NEK5: variants seen among roughly 807,000 people sequenced by gnomAD.
NEK5 encodes the protein NIMA related kinase 5, also known as serine/threonine-protein kinase Nek5.
In NEK5, 88 loss-of-function variants were observed where a neutral mutation model predicts 109.2. The observed-to-expected ratio is 0.81, with a 90% confidence interval of 0.68 to 0.96. The LOEUF (loss-of-function observed/expected upper bound fraction) is 0.96. Ranked by LOEUF, NEK5 falls within the 40% of genes least tolerant of loss-of-function variation. NEK5 has a pLI of 0.00. For synonymous variants in NEK5, 283 were observed against 299.9 expected (o/e 0.94, Z 0.58); for missense variants, 834 against 920.7 (o/e 0.91, Z 1.22).
chr13:52,063,738 G>A (rs1314326587), intron 21 of NEK5, among the ~76,000 whole-genome samples: 2 of 133,766 alleles, frequency 1.5e-5, no homozygotes, highest in African/African-American at 2.7e-5. Flanking sequence ...CCGTCTGGGA[G>A]GTGAGGAGCG....
At chr13:52,115,828 T>A (rs1955847382) in intron 4 of NEK5, among the ~76,000 whole-genome samples, 1 of 151,978 alleles carries the variant, frequency 6.6e-6, no homozygotes, top group African/African-American at 2.4e-5. Flanking sequence ...TTTGTCAAAT[T>A]CCAACATTTA....
chr13:52,072,595 C>G (rs1954802292), intron 19 of NEK5, among the ~76,000 whole-genome samples: 1 of 152,138 alleles, frequency 6.6e-6, no homozygotes, highest in South Asian at 2.1e-4. Flanking sequence ...GTGAGAGTAC[C>G]ACTTCTCAAG....
chr13:52,110,820 A>T (rs2138064093), intron 5 of NEK5, among the ~76,000 whole-genome samples: 1 of 152,304 alleles, frequency 6.6e-6, no homozygotes, highest in Middle Eastern at 3.4e-3. Context: ...AAATCAAGGG[A>T]AATTCCACAT....
At chr13:52,114,501 T>C (rs768474794) in intron 4 of NEK5, among the ~76,000 whole-genome samples, 1 of 152,216 alleles carries the variant, frequency 6.6e-6, no homozygotes, top group African/African-American at 2.4e-5. Flanking sequence ...CTCTCTTCTT[T>C]AAGAGACGAT....
At chr13:52,051,367 A>G (rs1406343200) in intron 22 of NEK5, among the ~76,000 whole-genome samples, 1 of 152,136 alleles carries the variant, frequency 6.6e-6, no homozygotes, top group Non-Finnish European at 1.5e-5. Context: ...ACGTGAAGGA[A>G]TCTGCAGGAG....
chr13:52,093,166 C>A lies in NEK5; in HGVS notation c.1096G>T (p.Asp366Tyr), dbSNP rs767803517. 1.2e-6 allele frequency: 2 copies of A among 1,613,278 alleles called. No homozygotes were observed. The highest frequency in any genetic ancestry group is 8.5e-7 in the Non-Finnish European group (1 of 1,179,272). The change falls in exon 13 of 24, where the codon GAT becomes TAT. Residue 366 changes from aspartate (D) to tyrosine (Y), a missense_variant. Physicochemically the swap from Asp to Tyr is radical, Grantham distance 160 (BLOSUM62 -3). Transcript: ENST00000684899. The part of the protein sequence containing the change: ...GHYDYYYAQL[D>Y]MLRRRAHKPS... ...TTGTGGGCTCTCCTCCTCAGCATAT[C>A]AAGTTGAGCATAATAATAATCATAA...
At position 52,083,757 on chromosome 13, in the gene NEK5, C is replaced by T. The variant is rs188615443; in HGVS notation, c.1480-405G>A. 3.4e-3 allele frequency among the ~76,000 whole-genome samples: 518 copies of T among 152,262 alleles called. 8 individuals are homozygous for T. The highest frequency in any genetic ancestry group is 0.025 in the Admixed American group (381 of 15,284). On this transcript the variant is annotated intron_variant, in intron 16 of 23. Coordinates refer to ENST00000684899, the MANE Select transcript of NEK5 (RefSeq NM_001365552.1). ...TTCACTGTGTTAGCCAGGATGATCT[C>T]GATCTCCCGACCTCGTGATCCGCCC...
chr13:52,127,402 GC>G lies in NEK5; in HGVS notation c.80del (p.Ser27ThrfsTer6). 2 of 1,609,956 alleles carry G rather than the reference GC, an allele frequency of 1.2e-6. No homozygotes were observed. Among genetic ancestry groups the G allele is most frequent in the Non-Finnish European group, 1.7e-6 (2 of 1,176,206 alleles). ...KAYLAKGKSD[S>X]KHCVIKEINF... ...TGATCTCTTTTATGACACAGTGCTTGCTATCTGATTTCCCTTTAGCTAAGTA... is the reference window on the plus strand; with the variant it reads ...TGATCTCTTTTATGACACAGTGCTTGTATCTGATTTCCCTTTAGCTAAGTA... On this transcript the variant is annotated frameshift_variant, in exon 3 of 24. Coordinates refer to ENST00000684899, the MANE Select transcript of NEK5 (RefSeq NM_001365552.1). LOFTEE classifies it high-confidence loss of function.
At chr13:52,067,937 C>T (rs575450490) in intron 20 of NEK5, among the ~76,000 whole-genome samples, 45 of 152,096 alleles carry the variant, frequency 3.0e-4, no homozygotes, top group Admixed American at 9.2e-4. Context: ...AGAGATCTGC[C>T]CACCTCAGCC....
chr13:52,099,655 C>T (rs1012951482), intron 12 of NEK5, 88 bp downstream of exon 12: 18 of 1,409,418 alleles, frequency 1.3e-5, no homozygotes, highest in East Asian at 2.3e-5. Context: ...GGCGACAGAG[C>T]GAGACTCCGT....
rs776451321 is a variant in NEK5 at position 52,087,454 on chromosome 13, C to T, written c.1276G>A (p.Gly426Ser). 7 of 1,503,704 alleles carry T rather than the reference C, an allele frequency of 4.7e-6. No individual in the cohort carries two copies. The African/African-American group carries it at 6.9e-5, about 15-fold the overall frequency. The allele number at this position is 1,503,704 out of a possible 1,614,324, so 93.1% of individuals were successfully genotyped here. A position where few individuals can be genotyped will look rare whatever the true frequency, so the allele number is the denominator to read the frequency against. Residue 426 changes from glycine (G) to serine (S), a missense_variant and splice_region_variant, in exon 15 of 24, where the codon GGT becomes AGT. Gly to Ser is a moderately conservative substitution (Grantham distance 56). Around this residue, in one of 2 missense-constraint regions of NEK5, gnomAD observed 777 missense variants for 824.7 expected, o/e 0.94. Transcript: ENST00000684899. Reference sequence around the variant, plus strand: ...GGCTCGGCAGAAGATGGACGAAGACCCTATTTATTGAATGAAATAATTTAT... The same window carrying T: ...GGCTCGGCAGAAGATGGACGAAGACTCTATTTATTGAATGAAATAATTTAT... ...QYKLKVEKQL[G>S]LRPSSAEPNY...
chr13:52,123,681 A>G (rs2138139145), intron 3 of NEK5, among the ~76,000 whole-genome samples: 1 of 152,330 alleles, frequency 6.6e-6, no homozygotes, highest in South Asian at 2.1e-4. Context: ...TTACAGCTAA[A>G]TAAGGAGGAG....
In NEK5 at chr13:52,100,649, G is replaced by T. The variant is rs531499820; in HGVS notation, c.893-773C>A. 3.0e-3 allele frequency among the ~76,000 whole-genome samples: 461 copies of T among 152,176 alleles called. 2 individuals carry two copies. Among genetic ancestry groups the T allele is most frequent in the Non-Finnish European group, 4.8e-3 (326 of 68,014 alleles). ...AGCAATTTGGGAGGCCAAGGTAGGA[G>T]GATTGTTTGAGCTCAGGAGTTCGAG... On this transcript the variant is annotated intron_variant, in intron 11 of 23. Transcript: ENST00000684899.
chr13:52,116,560 C>T (rs1274953839), intron 4 of NEK5, among the ~76,000 whole-genome samples: 1 of 152,202 alleles, frequency 6.6e-6, no homozygotes, highest in African/African-American at 2.4e-5. Flanking sequence ...CCACAGATAA[C>T]AGTCCCAGCT....
In NEK5 at chr13:52,035,343, C is replaced by T. The variant is rs1371015068; in HGVS notation, c.*1605G>A. On this transcript the variant is annotated 3_prime_UTR_variant, in exon 24 of 24. Coordinates refer to ENST00000684899, the MANE Select transcript of NEK5 (RefSeq NM_001365552.1). ...ATATGAAATGTAAATAGTAAACAGA[C>T]CTTAGAAATAATCTGACCCACCTTA... 1 of 152,112 alleles carries T rather than the reference C, an allele frequency of 6.6e-6. No individual in the cohort carries two copies. Among genetic ancestry groups the T allele is most frequent in the Non-Finnish European group, 1.5e-5 (1 of 68,010 alleles). The allele number at this position is 152,112 out of a possible 1,614,324, so 9.4% of individuals were successfully genotyped here.
intron 23 of NEK5, among the ~76,000 whole-genome samples, chr13:52,042,172 A>G (rs1954420315): frequency 2.0e-5 from 3 of 151,998 alleles, no homozygotes; most frequent in African/African-American, 7.2e-5. Flanking sequence ...GACTCAAGTC[A>G]AAACAAAAAC....
At chr13:52,119,272 A>G (rs377184935) in intron 4 of NEK5, 47 bp downstream of exon 4, 5 of 1,019,170 alleles carry the variant, frequency 4.9e-6, no homozygotes, top group Non-Finnish European at 7.3e-6. Context: ...ATATGTCAAC[A>G]TGCCTATACT....
Position 52,087,606 on chromosome 13 carries a change from TA to T in NEK5, c.1276-153del, listed in dbSNP as rs551247617. On this transcript the variant is annotated intron_variant, in intron 14 of 23. Coordinates refer to ENST00000684899, the MANE Select transcript of NEK5 (RefSeq NM_001365552.1). ...TTTGTGGTAAGTAGTAGAATTTTCT[TA>T]ATTATAAAGCATTAAAAAATATATA... 1.5e-3 allele frequency: 752 copies of T among 488,230 alleles called. 3 individuals are homozygous for T. The highest frequency in any genetic ancestry group is 0.014 in the African/African-American group (705 of 50,706). 30.2% of individuals were successfully genotyped at this position (488,230 alleles called of 1,614,324 possible).
At chr13:52,104,629 A>C (rs1161254202) in intron 8 of NEK5, 77 bp from the exon 9 acceptor site, 1 of 965,800 alleles carries the variant, frequency 1.0e-6, no homozygotes. Flanking sequence ...ACAGTGCCTT[A>C]AATTTGTGTC....
Sources: allele counts gnomAD v4.1 joint callset (sites outside exome capture counted in the v4.1 genomes callset), GRCh38; gene constraint gnomAD v4.1.1; regional missense constraint gnomAD v4.1.1; transcripts MANE v1.5; gene names NCBI Gene and HGNC (gene_info 2026-07-23, HGNC 2026-07-21).